The following LRRC4C variants were observed in gnomAD, a reference collection of about 807,000 sequenced individuals.
The protein encoded by LRRC4C is leucine-rich repeat-containing protein 4C.
LRRC4C carries 5 observed loss-of-function variants against 33.6 expected under a neutral mutation model. The ratio of observed to expected loss-of-function variants is 0.15; its 90% CI spans 0.08 to 0.31. LRRC4C has a LOEUF of 0.31. LRRC4C is among the 10% of genes least tolerant of loss of function. The probability of loss-of-function intolerance (pLI) is 1.00; values close to 1 mark genes in which losing one functional copy is unlikely to be tolerated. For synonymous variants in LRRC4C, 329 were observed against 302.0 expected, an observed-to-expected ratio of 1.09 and a Z score of -0.93; for missense variants, 560 against 796.7, an observed-to-expected ratio of 0.70 and a Z score of 3.58.
At chr11:41,234,308 G>A (rs935752407) in intron 1 of LRRC4C, among the ~76,000 whole-genome samples, 4 of 151,872 alleles carry the variant, frequency 2.6e-5, no homozygotes, top group African/African-American at 9.7e-5. Flanking sequence ...ATTGTGAATT[G>A]GCTAAAATGA....
At chr11:41,174,294 C>T (rs1945102893) in intron 1 of LRRC4C, among the ~76,000 whole-genome samples, 1 of 152,022 alleles carries the variant, frequency 6.6e-6, no homozygotes, top group East Asian at 1.9e-4. Flanking sequence ...CAGTTTATCT[C>T]TAGCTAAAAT....
intron 4 of LRRC4C, among the ~76,000 whole-genome samples, chr11:40,253,023 A>G (rs956223543): frequency 5.9e-5 from 9 of 152,200 alleles, no homozygotes; most frequent in African/African-American, 1.9e-4. Context: ...CTGAAGAGAA[A>G]ATAATTTTGG....
intron 2 of LRRC4C, among the ~76,000 whole-genome samples, chr11:40,729,856 A>G (rs1947469582): frequency 6.6e-6 from 1 of 152,230 alleles, no homozygotes; most frequent in African/African-American, 2.4e-5. Context: ...CTATACTGTG[A>G]AAATAAATGG....
At chr11:41,107,155 A>C (rs1028928424) in intron 1 of LRRC4C, among the ~76,000 whole-genome samples, 2 of 151,126 alleles carry the variant, frequency 1.3e-5, no homozygotes, top group Non-Finnish European at 2.9e-5. Context: ...TGCTCCAATG[A>C]GCATTTCCTT....
intron 1 of LRRC4C, among the ~76,000 whole-genome samples, chr11:41,264,558 A>G (rs1949088729): frequency 6.6e-6 from 1 of 152,170 alleles, no homozygotes; most frequent in Admixed American, 6.5e-5. Flanking sequence ...ATAGACCCAC[A>G]TCATCATTTA....
chr11:40,349,308 AAT>A (rs1265510685), intron 3 of LRRC4C, among the ~76,000 whole-genome samples: 1 of 152,160 alleles, frequency 6.6e-6, no homozygotes, highest in East Asian at 1.9e-4. Context: ...AATGGGTGAG[AAT>A]ATGCAAAAGT....
intron 3 of LRRC4C, among the ~76,000 whole-genome samples, chr11:40,519,704 AT>A (rs1485162107): frequency 2.0e-5 from 3 of 152,214 alleles, no homozygotes; most frequent in African/African-American, 7.2e-5. Context: ...AGGATTCACC[AT>A]TCTAGGGGCC....
chr11:40,300,373 T>A (rs1944712610), intron 4 of LRRC4C, among the ~76,000 whole-genome samples: 1 of 152,172 alleles, frequency 6.6e-6, no homozygotes, highest in Non-Finnish European at 1.5e-5. Context: ...ATTGCAGAAT[T>A]GCCCATTTGG....
intron 1 of LRRC4C, among the ~76,000 whole-genome samples, chr11:41,446,927 C>A (rs557976855): frequency 3.9e-5 from 6 of 152,212 alleles, no homozygotes; most frequent in Admixed American, 3.3e-4. Context: ...GAGTAAAGAG[C>A]AAAGGAGTTC....
At position 40,673,421 on chromosome 11, in the gene LRRC4C, G is replaced by A. The variant is rs1289104739; in HGVS notation, c.-406-25143C>T. 3.9e-5 allele frequency among the ~76,000 whole-genome samples: 6 copies of A among 151,984 alleles called. No individual in the cohort carries two copies. In the South Asian group the frequency reaches 1.0e-3, roughly 26 times the overall value. ...CTAATATCGGTATCTTATTCTACAG[G>A]CCATAAGGCAACAGCAACACATACA... On this transcript the variant is annotated intron_variant, in intron 2 of 6. Coordinates refer to ENST00000528697, the MANE Select transcript of LRRC4C (RefSeq NM_001258419.2).
In LRRC4C at chr11:41,153,747, A is replaced by G. The variant is rs118057492; in HGVS notation, c.-495-220024T>C. On this transcript the variant is annotated intron_variant, in intron 1 of 6. Coordinates refer to ENST00000528697, the MANE Select transcript of LRRC4C (RefSeq NM_001258419.2). ...TTATTTACCCTTTGTAGTAGATTAAATTATGGCTACTAGAATACTAGGTTC... is the reference window on the plus strand; with the variant it reads ...TTATTTACCCTTTGTAGTAGATTAAGTTATGGCTACTAGAATACTAGGTTC... Among the ~76,000 whole-genome samples the G allele has an allele frequency of 4.6e-3, 702 of 152,294 alleles. 2 individuals are homozygous for G. Among genetic ancestry groups the G allele is most frequent in the Non-Finnish European group, 7.6e-3 (514 of 68,026 alleles).
chr11:41,315,030 A>C, intron 1 of LRRC4C, among the ~76,000 whole-genome samples: 1 of 152,208 alleles, frequency 6.6e-6, no homozygotes, highest in East Asian at 1.9e-4. Context: ...AATAAGACCA[A>C]CTTAGTTGCT....
intron 1 of LRRC4C, among the ~76,000 whole-genome samples, chr11:41,361,124 G>A (rs527392575): frequency 1.3e-5 from 2 of 152,286 alleles, no homozygotes; most frequent in East Asian, 3.9e-4. Flanking sequence ...AGCATTGTCA[G>A]TTATCACATA....
At chr11:40,505,644 A>C (rs1954996534) in intron 3 of LRRC4C, among the ~76,000 whole-genome samples, 1 of 152,090 alleles carries the variant, frequency 6.6e-6, no homozygotes, top group South Asian at 2.1e-4. Context: ...TTTGTATTTC[A>C]GATGTATGTC....
At chr11:40,495,979 G>A (rs1216130447) in intron 3 of LRRC4C, among the ~76,000 whole-genome samples, 1 of 151,714 alleles carries the variant, frequency 6.6e-6, no homozygotes, top group Non-Finnish European at 1.5e-5. Context: ...ACAGGCAAGT[G>A]CCACCACGCC....
At chr11:41,208,093 G>A (rs1489837077) in intron 1 of LRRC4C, among the ~76,000 whole-genome samples, 2 of 152,162 alleles carry the variant, frequency 1.3e-5, no homozygotes, top group African/African-American at 2.4e-5. Context: ...GGAACAGAAT[G>A]TTGGTAGAAA....
intron 2 of LRRC4C, among the ~76,000 whole-genome samples, chr11:40,739,235 G>A (rs1948041360): frequency 6.6e-6 from 1 of 151,832 alleles, no homozygotes; most frequent in Admixed American, 6.6e-5. Context: ...CCATGTCCTA[G>A]CAACCTCCAT....
intron 1 of LRRC4C, among the ~76,000 whole-genome samples, chr11:41,228,876 A>G (rs1947659142): frequency 6.6e-6 from 1 of 152,152 alleles, no homozygotes; most frequent in Non-Finnish European, 1.5e-5. Context: ...CTTACAGCTT[A>G]TAGCTCCACA....
At chr11:40,433,863 G>T (rs1951035130) in intron 3 of LRRC4C, among the ~76,000 whole-genome samples, 1 of 152,132 alleles carries the variant, frequency 6.6e-6, no homozygotes, top group Non-Finnish European at 1.5e-5. Flanking sequence ...ATTTAAAGTA[G>T]GAAGGAAGGA....
Sources: gnomAD v4.1 joint callset for allele counts (sites outside exome capture counted in the v4.1 genomes callset) on GRCh38, gnomAD v4.1.1 for gene constraint, MANE v1.5 for transcripts, NCBI Gene and HGNC (gene_info 2026-07-23, HGNC 2026-07-21) for gene names.